The following ATG4B variants were observed in gnomAD, a reference collection of about 807,000 sequenced individuals.
The protein encoded by ATG4B is autophagy related 4B cysteine peptidase, also known as cysteine protease ATG4B.
ATG4B carries 29 observed loss-of-function variants against 56.6 expected under a neutral mutation model. That is an observed-to-expected ratio of 0.51 (90% CI 0.38 to 0.70). The LOEUF is 0.70. ATG4B is among the 30% of genes least tolerant of loss of function. ATG4B has a pLI of 0.00. For missense variants in ATG4B, 461 were observed against 515.5 expected (o/e 0.89, Z 1.02); for synonymous variants, 224 against 206.1 (o/e 1.09, Z -0.74).
chr2:241,660,365 A>G (rs1452638050), intron 7 of ATG4B, among the ~76,000 whole-genome samples: 1 of 152,128 alleles, frequency 6.6e-6, no homozygotes, highest in African/African-American at 2.4e-5. Flanking sequence ...TCGTCTGGCC[A>G]TCCTCGGGGG....
At position 241,668,501 on chromosome 2, in the gene ATG4B, G is replaced by A. The variant is rs777013824; in HGVS notation, c.812-39G>A. The A allele has an allele frequency of 6.3e-7, 1 of 1,592,474 alleles. No individual in the cohort carries two copies. The highest frequency in any genetic ancestry group is 2.3e-5 in the East Asian group (1 of 43,998). On this transcript the variant is annotated intron_variant, in intron 9 of 12. Transcript: ENST00000404914. This position sits in a 1 kb window ranked among gnomAD's most constrained non-coding sequence, Gnocchi z 4.2. Reference sequence around the variant, plus strand: ...CCTCCTCTGTCCCTTTCCTCTGCCGGCTCGGCCACCCACCTGCCCACCTGC... The same window carrying A: ...CCTCCTCTGTCCCTTTCCTCTGCCGACTCGGCCACCCACCTGCCCACCTGC...
chr2:241,668,969 G>A lies in ATG4B; in HGVS notation c.957+284G>A, dbSNP rs1049441133. On this transcript the variant is annotated intron_variant, in intron 10 of 12. Coordinates refer to ENST00000404914, the MANE Select transcript of ATG4B (RefSeq NM_013325.5). This position sits in a 1 kb window ranked among gnomAD's most constrained non-coding sequence, Gnocchi z 4.2. ...TGTGGGCGCGTGCTGAGTGTGCATG[G>A]ATGAGTGTGAGCCATGGTGAGTGTG... 26 of 461,828 alleles carry A rather than the reference G, an allele frequency of 5.6e-5. No homozygotes were observed. The highest frequency in any genetic ancestry group is 8.1e-5 in the African/African-American group (4 of 49,538). The allele number at this position is 461,828 out of a possible 1,614,324, so 28.6% of individuals were successfully genotyped here. A position where few individuals can be genotyped will look rare whatever the true frequency, so the allele number is the denominator to read the frequency against.
chr2:241,658,932 A>G (rs1320529856), intron 6 of ATG4B, among the ~76,000 whole-genome samples, 176 bp from the exon 7 acceptor site: 2 of 152,160 alleles, frequency 1.3e-5, no homozygotes, highest in Non-Finnish European at 2.9e-5. Context: ...AAGCAGATTT[A>G]CCCTCAGCTT....
At position 241,651,434 on chromosome 2, in the gene ATG4B, A is replaced by G. The variant is rs2068227590; in HGVS notation, c.184+99A>G. 1.1e-6 allele frequency: 1 copy of G among 919,218 alleles called. No individual in the cohort carries two copies. The highest frequency in any genetic ancestry group is 1.7e-6 in the Non-Finnish European group (1 of 596,854). 56.9% of individuals were successfully genotyped at this position (919,218 alleles called of 1,614,324 possible). A position where few individuals can be genotyped will look rare whatever the true frequency, so the allele number is the denominator to read the frequency against. On this transcript the variant is annotated intron_variant, in intron 3 of 12. Transcript: ENST00000404914. The surrounding 1 kb of genome is among the most constrained non-coding windows in gnomAD (Gnocchi z 4.1). The stretch of plus-strand genomic sequence containing the variant: ...TTGACTTCAATATGCCACTGACTTC[A>G]TTTGAATCTTCACAGCAATCCTGCT...
intron 7 of ATG4B, among the ~76,000 whole-genome samples, chr2:241,664,299 C>A (rs904925104): frequency 6.6e-6 from 1 of 152,122 alleles, no homozygotes; most frequent in African/African-American, 2.4e-5. Context: ...GAGGTGGAGG[C>A]AGGCAGATTG....
rs1360789941 is a variant in ATG4B, at chr2:241,668,832, A to G, written c.957+147A>G. Reference sequence around the variant, plus strand: ...CGTGGTTGGGAATCTGAAGGGTATAAGAGCCGGAACTGTGTCCTTGCACCC... The same window carrying G: ...CGTGGTTGGGAATCTGAAGGGTATAGGAGCCGGAACTGTGTCCTTGCACCC... On this transcript the variant is annotated intron_variant, in intron 10 of 12. Coordinates refer to ENST00000404914, the MANE Select transcript of ATG4B (RefSeq NM_013325.5). This position sits in a 1 kb window ranked among gnomAD's most constrained non-coding sequence, Gnocchi z 4.2. 1.6e-6 allele frequency: 2 copies of G among 1,230,670 alleles called. No individual in the cohort carries two copies. The highest frequency in any genetic ancestry group is 2.2e-6 in the Non-Finnish European group (2 of 894,926). The allele number at this position is 1,230,670 out of a possible 1,614,324, so 76.2% of individuals were successfully genotyped here. A position where few individuals can be genotyped will look rare whatever the true frequency, so the allele number is the denominator to read the frequency against.
chr2:241,645,646 C>T (rs1386975699), intron 1 of ATG4B, among the ~76,000 whole-genome samples: 1 of 152,170 alleles, frequency 6.6e-6, no homozygotes, highest in African/African-American at 2.4e-5. Context: ...CAGTGGTGGG[C>T]TCAGACTTCT....
chr2:241,668,036 T>A lies in ATG4B; in HGVS notation c.733-107T>A. 2.8e-6 allele frequency: 3 copies of A among 1,057,352 alleles called. No individual in the cohort carries two copies. Among genetic ancestry groups the A allele is most frequent in the Non-Finnish European group, 4.1e-6 (3 of 726,424 alleles). 65.5% of individuals were successfully genotyped at this position (1,057,352 alleles called of 1,614,324 possible). A position where few individuals can be genotyped will look rare whatever the true frequency, so the allele number is the denominator to read the frequency against. Reference sequence around the variant, plus strand: ...CCATGTCCCCTCCTGTCCCCTCTTGTGTCACCCAGTTGGGCCTCAGCAGGC... The same window carrying A: ...CCATGTCCCCTCCTGTCCCCTCTTGAGTCACCCAGTTGGGCCTCAGCAGGC... On this transcript the variant is annotated intron_variant, in intron 8 of 12. Coordinates refer to ENST00000404914, the MANE Select transcript of ATG4B (RefSeq NM_013325.5). This position sits in a 1 kb window ranked among gnomAD's most constrained non-coding sequence, Gnocchi z 4.2.
intron 7 of ATG4B, among the ~76,000 whole-genome samples, chr2:241,662,634 A>G (rs2068623625): frequency 1.3e-5 from 2 of 152,220 alleles, no homozygotes; most frequent in African/African-American, 4.8e-5. Flanking sequence ...GTGTTCGATC[A>G]TATTCCTGAG....
chr2:241,660,820 G>A (rs140659262), intron 7 of ATG4B, among the ~76,000 whole-genome samples: 2 of 152,228 alleles, frequency 1.3e-5, no homozygotes, highest in Non-Finnish European at 2.9e-5. Context: ...CCTCCCTCCC[G>A]TGTTTGGGGA....
At chr2:241,667,281 G>A (rs562716257) in intron 8 of ATG4B, among the ~76,000 whole-genome samples, 2 of 152,228 alleles carry the variant, frequency 1.3e-5, no homozygotes, top group South Asian at 4.1e-4. Context: ...GCTGTGTGAG[G>A]AGCTCCAGCC....
intron 1 of ATG4B, 85 bp from the exon 2 acceptor site, chr2:241,650,925 C>T: frequency 1.7e-6 from 2 of 1,146,126 alleles, no homozygotes; most frequent in South Asian, 2.9e-5. Context: ...TTCTCTTCAG[C>T]ACAGAAATGC....
chr2:241,666,519 A>T, intron 7 of ATG4B, 126 bp from the exon 8 acceptor site: 5 of 1,007,538 alleles, frequency 5.0e-6, no homozygotes, highest in Non-Finnish European at 7.4e-6. Context: ...CCAAGTTTGA[A>T]TTTCACTGTA....
rs1050253261 is a variant in ATG4B, at chr2:241,673,542, C to T, written c.*1278C>T. The T allele has an allele frequency of 4.4e-6, 2 of 453,188 alleles. No homozygotes were observed. The highest frequency in any genetic ancestry group is 8.9e-6 in the Non-Finnish European group (2 of 225,774). 28.1% of individuals were successfully genotyped at this position (453,188 alleles called of 1,614,324 possible). On this transcript the variant is annotated 3_prime_UTR_variant, in exon 13 of 13. Coordinates refer to ENST00000404914, the MANE Select transcript of ATG4B (RefSeq NM_013325.5). Reference sequence around the variant, plus strand: ...GGACAGTCGGCACTGACCGGCCCACCTGGTAGCAGAGGACACCCCCAGCCC... The same window carrying T: ...GGACAGTCGGCACTGACCGGCCCACTTGGTAGCAGAGGACACCCCCAGCCC...
At chr2:241,649,784 C>CTTTTTTTTTTTTTTTTTTTT in intron 1 of ATG4B, among the ~76,000 whole-genome samples, 1 of 137,512 alleles carries the variant, frequency 7.3e-6, no homozygotes, top group Non-Finnish European at 1.6e-5. Context: ...TTTTCTTTTT[C>CTTTTTTTTTTTTTTTTTTTT]TTTTTTTTTT....
intron 1 of ATG4B, among the ~76,000 whole-genome samples, chr2:241,639,871 G>A (rs1256331971): frequency 3.3e-5 from 5 of 152,232 alleles, no homozygotes; most frequent in African/African-American, 1.2e-4. Context: ...ATTAATTAGA[G>A]GAAAGCGCAC....
chr2:241,663,407 A>C (rs1288033539), intron 7 of ATG4B, among the ~76,000 whole-genome samples: 7 of 152,172 alleles, frequency 4.6e-5, no homozygotes, highest in Admixed American at 2.6e-4. Flanking sequence ...ATTTCTATGA[A>C]ACTAATGCGG....
chr2:241,646,971 A>G (rs2068079250), intron 1 of ATG4B, among the ~76,000 whole-genome samples: 1 of 151,862 alleles, frequency 6.6e-6, no homozygotes, highest in African/African-American at 2.4e-5. Context: ...TTTAATAGAG[A>G]TGGGATTTCA....
chr2:241,639,116 GGAGTGGGTGTGTGGGT>G (rs1230895445), intron 1 of ATG4B, among the ~76,000 whole-genome samples: 1 of 152,228 alleles, frequency 6.6e-6, no homozygotes, highest in Non-Finnish European at 1.5e-5. Context: ...GCCCCTGGCG[GGAGTGGGTGTGTGGGT>G]GAGTGAGTGC....
Sources: gnomAD v4.1 joint callset for allele counts (sites outside exome capture counted in the v4.1 genomes callset) on GRCh38, gnomAD v4.1.1 for gene constraint, Gnocchi (gnomAD v3.1) non-coding constraint, MANE v1.5 for transcripts, NCBI Gene and HGNC (gene_info 2026-07-23, HGNC 2026-07-21) for gene names.